AMN1: variants seen among roughly 807,000 people sequenced by gnomAD.
AMN1 encodes protein AMN1 homolog.
Under a neutral mutation model 33.0 loss-of-function variants are expected in AMN1, and 20 were observed. That is an observed-to-expected ratio of 0.61 (90% CI 0.43 to 0.88). The LOEUF is 0.88. AMN1 is among the 40% of genes least tolerant of loss of function. The probability of loss-of-function intolerance (pLI) is 0.00; values close to 1 mark genes in which losing one functional copy is unlikely to be tolerated. For synonymous variants in AMN1, 114 were observed against 111.9 expected (o/e 1.02, Z -0.12); for missense variants, 246 against 307.4 (o/e 0.80, Z 1.49).
intron 3 of AMN1, 119 bp from the exon 4 acceptor site, chr12:31,698,076 T>C (rs1218930357): frequency 6.8e-6 from 6 of 881,940 alleles, no homozygotes; most frequent in Non-Finnish European, 1.0e-5. Context: ...TTCAAAGTAG[T>C]CCACCTGTGA....
intron 6 of AMN1, among the ~76,000 whole-genome samples, chr12:31,675,343 C>T (rs1051417109): frequency 1.3e-4 from 20 of 151,536 alleles, no homozygotes; most frequent in African/African-American, 4.9e-4. Context: ...TCCAATTGAG[C>T]CTGGGAGGCA....
intron 1 of AMN1, among the ~76,000 whole-genome samples, chr12:31,710,940 C>T (rs1939443029): frequency 6.6e-6 from 1 of 152,060 alleles, no homozygotes; most frequent in South Asian, 2.1e-4. Flanking sequence ...GACAGAGTCT[C>T]ACTCTGTCAC....
chr12:31,672,244 G>C lies in AMN1; in HGVS notation c.*60C>G, dbSNP rs540084372. On this transcript the variant is annotated 3_prime_UTR_variant, in exon 7 of 7. Transcript: ENST00000281471. ...AAGTAGAATGCAAATCTCTATAGAT[G>C]GTTTCCTGGGAAAGTAGTTTTGATA... is the stretch of plus-strand genomic sequence containing the variant. 121 of 1,138,618 alleles carry C rather than the reference G, an allele frequency of 1.1e-4. No individual in the cohort carries two copies. The East Asian group carries it at 3.0e-3, about 28-fold the overall frequency. The allele number at this position is 1,138,618 out of a possible 1,614,324, so 70.5% of individuals were successfully genotyped here.
intron 2 of AMN1, among the ~76,000 whole-genome samples, chr12:31,703,702 C>T (rs1476673759): frequency 6.6e-6 from 1 of 152,188 alleles, no homozygotes; most frequent in Non-Finnish European, 1.5e-5. Flanking sequence ...GATCAGATCA[C>T]ATATAAGATG....
chr12:31,709,600 C>T (rs1185345556), intron 1 of AMN1, among the ~76,000 whole-genome samples, 175 bp from the exon 2 acceptor site: 2 of 152,116 alleles, frequency 1.3e-5, no homozygotes, highest in Non-Finnish European at 2.9e-5. Context: ...AGGAGGATGG[C>T]TTGAGCTCAG....
intron 2 of AMN1, among the ~76,000 whole-genome samples, chr12:31,708,084 C>T (rs992363544): frequency 2.6e-5 from 4 of 152,070 alleles, no homozygotes; most frequent in African/African-American, 9.7e-5. Flanking sequence ...TGAAAAAGAA[C>T]AGAATAACAG....
chr12:31,707,880 A>C (rs190021853), intron 2 of AMN1, among the ~76,000 whole-genome samples: 1 of 152,210 alleles, frequency 6.6e-6, no homozygotes, highest in African/African-American at 2.4e-5. Context: ...TAAATTGTGA[A>C]GATTTCATGG....
In AMN1 at chr12:31,707,449, G is replaced by A. The variant is rs183728977; in HGVS notation, c.171+1844C>T. ...TTCTGCAACTGCTTGACTGTAGAAC[G>A]TACTTGCTGATGCTGCAGATGAAAT... On this transcript the variant is annotated intron_variant, in intron 2 of 6. Transcript: ENST00000281471. Among the ~76,000 whole-genome samples the A allele has an allele frequency of 2.6e-3, 403 of 152,284 alleles. 2 individuals are homozygous for A. The highest frequency in any genetic ancestry group is 9.1e-3 in the African/African-American group (380 of 41,556).
intron 6 of AMN1, among the ~76,000 whole-genome samples, chr12:31,678,787 G>T (rs1403078469): frequency 6.6e-6 from 1 of 152,140 alleles, no homozygotes; most frequent in Non-Finnish European, 1.5e-5. Flanking sequence ...AGTGAAAAAA[G>T]TATGGCTGAA....
At position 31,672,019 on chromosome 12, in the gene AMN1, A is replaced by T. The variant is rs1592141725; in HGVS notation, c.*285T>A. 2.3e-5 allele frequency: 6 copies of T among 261,944 alleles called. No individual in the cohort carries two copies. In the East Asian group the frequency reaches 4.3e-4, roughly 19 times the overall value. 16.2% of individuals were successfully genotyped at this position (261,944 alleles called of 1,614,324 possible). A position where few individuals can be genotyped will look rare whatever the true frequency, so the allele number is the denominator to read the frequency against. On this transcript the variant is annotated 3_prime_UTR_variant, in exon 7 of 7. Transcript: ENST00000281471. Reference sequence around the variant, plus strand: ...ACAGTTAATTTTAAAGTTATTTAAGAAACAGAATCCAACACCATAGATCAG... The same window carrying T: ...ACAGTTAATTTTAAAGTTATTTAAGTAACAGAATCCAACACCATAGATCAG...
chr12:31,699,395 C>CAAAAAAAA lies in AMN1; in HGVS notation c.317-1446_317-1439dup, dbSNP rs34860207. The stretch of plus-strand genomic sequence containing the variant: ...TGGGCAATATGGTGAGACTCTGTCT[C>CAAAAAAAA]AAAAAAAAAAAAAAAAAAAAAAAAA... On this transcript the variant is annotated intron_variant, in intron 3 of 6. Coordinates refer to ENST00000281471, the MANE Select transcript of AMN1 (RefSeq NM_001113402.2). 5.1e-3 allele frequency among the ~76,000 whole-genome samples: 185 copies of CAAAAAAAA among 36,630 alleles called. 4 individuals are homozygous for CAAAAAAAA. Among genetic ancestry groups the CAAAAAAAA allele is most frequent in the East Asian group, 0.02 (20 of 1,016 alleles). The allele number at this position is 36,630 out of a possible 152,430, so 24.0% of individuals were successfully genotyped here.
At chr12:31,684,677 T>TA (rs1162567170) in intron 6 of AMN1, among the ~76,000 whole-genome samples, 2 of 152,128 alleles carry the variant, frequency 1.3e-5, no homozygotes, top group Admixed American at 1.3e-4. Context: ...TTCACCGTGT[T>TA]AGCCAGGATG....
At chr12:31,682,243 C>T (rs1005710745) in intron 6 of AMN1, among the ~76,000 whole-genome samples, 4 of 152,126 alleles carry the variant, frequency 2.6e-5, no homozygotes, top group Non-Finnish European at 5.9e-5. Flanking sequence ...TGTTATGGCA[C>T]ACCATGTAAC....
chr12:31,706,364 T>G (rs183151748), intron 2 of AMN1, among the ~76,000 whole-genome samples: 1 of 150,950 alleles, frequency 6.6e-6, no homozygotes, highest in Non-Finnish European at 1.5e-5. Context: ...ACAACTGTCT[T>G]GGTAAATTCT....
In AMN1 at chr12:31,705,301, C is replaced by G. The variant is rs562843519; in HGVS notation, c.172-3294G>C. ...TTGCTTGAGCCCAGAGGTTCAAGAC[C>G]AGCCTGGGCAACATGGTGAAACCCT... On this transcript the variant is annotated intron_variant, in intron 2 of 6. Transcript: ENST00000281471. Among the ~76,000 whole-genome samples, 62 of 152,114 alleles carry G rather than the reference C, an allele frequency of 4.1e-4. 1 individual carries two copies. Among genetic ancestry groups the G allele is most frequent in the African/African-American group, 1.3e-3 (56 of 41,486 alleles).
At chr12:31,694,668 C>T (rs974153284) in intron 5 of AMN1, among the ~76,000 whole-genome samples, 1 of 152,032 alleles carries the variant, frequency 6.6e-6, no homozygotes, top group African/African-American at 2.4e-5. Flanking sequence ...ATTGCTTGAG[C>T]CAGGGCAGTC....
At chr12:31,726,596 A>C (rs1940081622) in intron 1 of AMN1, among the ~76,000 whole-genome samples, 1 of 152,250 alleles carries the variant, frequency 6.6e-6, no homozygotes, top group Non-Finnish European at 1.5e-5. Flanking sequence ...GCAAGAACAT[A>C]AACCAAGCCC....
Position 31,709,307 on chromosome 12 carries a change from A to T in AMN1, c.157T>A (p.Ser53Thr). 6.2e-7 allele frequency: 1 copy of T among 1,613,718 alleles called. No individual in the cohort carries two copies. Among genetic ancestry groups the T allele is most frequent in the Non-Finnish European group, 8.5e-7 (1 of 1,179,728 alleles). ...CATACTCTTACCTCACTTATATTTG[A>T]ATCTGTTATCTGTCCCTGCATACTC... The part of the protein sequence containing the change: ...IMSMQGQITD[S>T]NISEILHPEV... Residue 53 changes from serine (S) to threonine (T), a missense_variant, in exon 2 of 7, where the codon TCA (serine) becomes ACA (threonine). By Grantham distance (58) the Ser-to-Thr change is moderately conservative. Coordinates refer to ENST00000281471, the MANE Select transcript of AMN1 (RefSeq NM_001113402.2).
At chr12:31,710,048 T>C (rs1324341286) in intron 1 of AMN1, among the ~76,000 whole-genome samples, 2 of 152,186 alleles carry the variant, frequency 1.3e-5, no homozygotes, top group African/African-American at 4.8e-5. Context: ...AAGCTTTATA[T>C]TGGGACCCAC....
Sources: gnomAD v4.1 joint callset for allele counts (sites outside exome capture counted in the v4.1 genomes callset) on GRCh38, gnomAD v4.1.1 for gene constraint, MANE v1.5 for transcripts, NCBI Gene and HGNC (gene_info 2026-07-23, HGNC 2026-07-21) for gene names.